The following PARD3B variants were observed in gnomAD, a reference collection of about 807,000 sequenced individuals.
PARD3B encodes the protein partitioning defective 3 homolog B.
In PARD3B, 103 loss-of-function variants were observed where a neutral mutation model predicts 130.2. The observed-to-expected ratio is 0.79, with a 90% CI of 0.67 to 0.93. The LOEUF (loss-of-function observed/expected upper bound fraction) is 0.93, where lower values mean the gene tolerates loss of function less well. PARD3B is among the 40% of genes least tolerant of loss of function. PARD3B has a pLI of 0.00. For synonymous variants in PARD3B, 583 were observed against 553.2 expected, an observed-to-expected ratio of 1.05 and a Z score of -0.76; for missense variants, 1,609 against 1,499.2, an observed-to-expected ratio of 1.07 and a Z score of -1.21.
chr2:205,376,570 G>A (rs984184320), intron 18 of PARD3B, among the ~76,000 whole-genome samples: 1 of 152,208 alleles, frequency 6.6e-6, no homozygotes, highest in Non-Finnish European at 1.5e-5. Flanking sequence ...AAGAAATCTA[G>A]GGGTAATGGT....
intron 16 of PARD3B, among the ~76,000 whole-genome samples, chr2:205,279,031 A>G (rs1215194741): frequency 7.9e-6 from 1 of 126,546 alleles, no homozygotes; most frequent in Non-Finnish European, 1.6e-5. Context: ...AGATCGTACC[A>G]CTTCACCCCA....
intron 18 of PARD3B, among the ~76,000 whole-genome samples, chr2:205,381,601 C>T (rs900604538): frequency 3.9e-5 from 6 of 152,012 alleles, no homozygotes; most frequent in Non-Finnish European, 5.9e-5. Context: ...TTCCAGCTAG[C>T]GTTAATGCCA....
Position 204,799,490 on chromosome 2 carries a change from GC to G in PARD3B, c.222+113209del, listed in dbSNP as rs2042488832. On this transcript the variant is annotated intron_variant, in intron 2 of 22. Transcript: ENST00000406610. This position sits in a 1 kb window ranked among gnomAD's most constrained non-coding sequence, Gnocchi z 4.1. The stretch of plus-strand genomic sequence containing the variant: ...ACAAGCCTCTCTGGGTTTCCCATCT[GC>G]TCACTGAAGAGCCCTTGGGCCGTGA... Among the ~76,000 whole-genome samples, 1 of 152,180 alleles carries G rather than the reference GC, an allele frequency of 6.6e-6. No individual in the cohort carries two copies. Among genetic ancestry groups the G allele is most frequent in the Non-Finnish European group, 1.5e-5 (1 of 68,032 alleles).
chr2:204,579,354 G>A (rs995740800), intron 1 of PARD3B, among the ~76,000 whole-genome samples: 3 of 151,850 alleles, frequency 2.0e-5, no homozygotes, highest in African/African-American at 2.4e-5. Flanking sequence ...TGTGCCCCTC[G>A]AGCAGCAGTC....
chr2:204,646,882 G>T (rs2035294349), intron 1 of PARD3B, among the ~76,000 whole-genome samples: 1 of 151,902 alleles, frequency 6.6e-6, no homozygotes, highest in Non-Finnish European at 1.5e-5. Flanking sequence ...TCATAGCTTA[G>T]CCTACCTTAA....
chr2:205,499,711 G>T (rs1449136205), intron 20 of PARD3B, among the ~76,000 whole-genome samples, 185 bp from the exon 21 acceptor site: 1 of 152,062 alleles, frequency 6.6e-6, no homozygotes, highest in Non-Finnish European at 1.5e-5. Context: ...TGGAACTAAA[G>T]GTAGGCACGT....
At position 205,440,480 on chromosome 2, in the gene PARD3B, C is replaced by A; in HGVS notation, c.2852C>A (p.Pro951His). ...VYDMDDDEMD[P>H]NYARVNHFRE... ...GATATGGATGATGATGAAATGGACC[C>A]CAATTATGCCAGAGTGAACCACTTT... The change falls in exon 20 of 23, where the codon CCC (proline) becomes CAC (histidine). Residue 951 changes from proline to histidine, a missense_variant. Coordinates refer to ENST00000406610, the MANE Select transcript of PARD3B (RefSeq NM_001302769.2). The surrounding 1 kb of genome is among the most constrained non-coding windows in gnomAD (Gnocchi z 4.2). The A allele has an allele frequency of 6.2e-7, 1 of 1,614,066 alleles. No homozygotes were observed.
At chr2:205,070,961 A>C (rs1202355899) in intron 4 of PARD3B, among the ~76,000 whole-genome samples, 1 of 152,016 alleles carries the variant, frequency 6.6e-6, no homozygotes, top group Non-Finnish European at 1.5e-5. Flanking sequence ...AACTGGGGCT[A>C]TTTGATTACC....
rs530362244 is a variant in PARD3B, at chr2:204,940,409, G to T, written c.223-24743G>T. Among the ~76,000 whole-genome samples the T allele has an allele frequency of 9.7e-4, 147 of 152,172 alleles. 1 individual carries two copies. The highest frequency in any genetic ancestry group is 3.4e-3 in the African/African-American group (143 of 41,534). On this transcript the variant is annotated intron_variant, in intron 2 of 22. Transcript: ENST00000406610. Reference sequence around the variant, plus strand: ...AGCGAACTGGAGTCTCCAGCCTCCAGCATTGACAGGTAAGTGACTGTGCAG... The same window carrying T: ...AGCGAACTGGAGTCTCCAGCCTCCATCATTGACAGGTAAGTGACTGTGCAG...
rs1280119351 is a variant in PARD3B, at chr2:205,078,759, T to TC, written c.505-25667_505-25666insC. On this transcript the variant is annotated intron_variant, in intron 4 of 22. Transcript: ENST00000406610. This position sits in a 1 kb window ranked among gnomAD's most constrained non-coding sequence, Gnocchi z 4.0. ...TCTGAGACTAGTTCAGAAAAGGCTA[T>TC]ACCTGTGGCTTCCATCTGATTCCCT... Among the ~76,000 whole-genome samples the TC allele has an allele frequency of 6.6e-6, 1 of 152,214 alleles. No homozygotes were observed. Among genetic ancestry groups the TC allele is most frequent in the African/African-American group, 2.4e-5 (1 of 41,462 alleles).
intron 2 of PARD3B, among the ~76,000 whole-genome samples, chr2:204,796,537 A>G (rs1418172604): frequency 1.3e-5 from 2 of 152,204 alleles, no homozygotes; most frequent in South Asian, 2.1e-4. Context: ...AACGTAGACC[A>G]TGAATGTGAA....
intron 6 of PARD3B, among the ~76,000 whole-genome samples, chr2:205,114,895 G>A (rs1360137633): frequency 2.0e-5 from 3 of 151,958 alleles, no homozygotes; most frequent in Non-Finnish European, 2.9e-5. Context: ...AAATGTTATG[G>A]GTTATGGCAT....
At chr2:205,178,426 C>T (rs747887371) in intron 13 of PARD3B, among the ~76,000 whole-genome samples, 9 of 151,730 alleles carry the variant, frequency 5.9e-5, no homozygotes, top group Non-Finnish European at 8.8e-5. Flanking sequence ...GTACTCTGGG[C>T]GACAGAGCAA....
chr2:204,909,273 C>T (rs2047147154), intron 2 of PARD3B, among the ~76,000 whole-genome samples: 1 of 152,118 alleles, frequency 6.6e-6, no homozygotes, highest in Admixed American at 6.5e-5. Flanking sequence ...GGCATCCATT[C>T]TGTGGAAATG....
At chr2:204,815,509 T>G (rs1352909452) in intron 2 of PARD3B, among the ~76,000 whole-genome samples, 1 of 151,998 alleles carries the variant, frequency 6.6e-6, no homozygotes, top group African/African-American at 2.4e-5. Flanking sequence ...TTCTGTATTA[T>G]TTCTGCTTTC....
intron 2 of PARD3B, among the ~76,000 whole-genome samples, chr2:204,803,556 T>C (rs2042652416): frequency 6.6e-6 from 1 of 152,146 alleles, no homozygotes; most frequent in Admixed American, 6.6e-5. Flanking sequence ...TTAAAAAGCA[T>C]GGGACACGAA....
chr2:205,095,146 A>G (rs756836590), intron 4 of PARD3B, among the ~76,000 whole-genome samples: 18 of 152,086 alleles, frequency 1.2e-4, no homozygotes, highest in Admixed American at 5.2e-4. Flanking sequence ...CAATATCTTC[A>G]CCCTTTCAAT....
In PARD3B at chr2:205,280,839, C is replaced by T. The variant is rs371374627; in HGVS notation, c.2186-19691C>T. Among the ~76,000 whole-genome samples the T allele has an allele frequency of 1.7e-3, 259 of 152,228 alleles. No homozygotes were observed. Among genetic ancestry groups the T allele is most frequent in the African/African-American group, 6.0e-3 (248 of 41,546 alleles). The stretch of plus-strand genomic sequence containing the variant: ...CCAAATAAATACAGTATTTTATGTT[C>T]TTTTAATTCAGGGCCAAGTGGATTT... On this transcript the variant is annotated intron_variant, in intron 16 of 22. Transcript: ENST00000406610. This position sits in a 1 kb window ranked among gnomAD's most constrained non-coding sequence, Gnocchi z 4.7.
Position 205,395,185 on chromosome 2 carries a change from C to T in PARD3B, c.2631-5828C>T, listed in dbSNP as rs2045983338. On this transcript the variant is annotated intron_variant, in intron 18 of 22. Coordinates refer to ENST00000406610, the MANE Select transcript of PARD3B (RefSeq NM_001302769.2). ...CTACCTCCCTCCCAGCCAACCATTA[C>T]CCAGTCTATAATGGTTGTACAGACA... Among the ~76,000 whole-genome samples the T allele has an allele frequency of 2.0e-5, 3 of 152,240 alleles. No homozygotes were observed. The South Asian group carries it at 6.2e-4, about 32-fold the overall frequency.
Sources: gnomAD v4.1 joint callset for allele counts (sites outside exome capture counted in the v4.1 genomes callset) on GRCh38, gnomAD v4.1.1 for gene constraint, Gnocchi (gnomAD v3.1) non-coding constraint, MANE v1.5 for transcripts, NCBI Gene and HGNC (gene_info 2026-07-23, HGNC 2026-07-21) for gene names.